Variants in LILRA1 observed in about 807,000 individuals in gnomAD.
The protein encoded by LILRA1 is leukocyte immunoglobulin-like receptor subfamily A member 1.
LILRA1 carries 51 observed loss-of-function variants against 51.6 expected under a neutral mutation model. The ratio of observed to expected loss-of-function variants is 0.99; its 90% confidence interval spans 0.79 to 1.25. LILRA1 has a LOEUF of 1.25. Among genes scored for constraint, LILRA1 ranks in the 50% most tolerant of loss-of-function variants. The probability of loss-of-function intolerance (pLI) is 0.00; values close to 1 mark genes in which losing one functional copy is unlikely to be tolerated. For missense variants in LILRA1, 660 were observed against 611.7 expected, an observed-to-expected ratio of 1.08 and a Z score of -0.83; for synonymous variants, 305 against 248.4, an observed-to-expected ratio of 1.23 and a Z score of -2.14.
In LILRA1 at chr19:54,600,565, G is replaced by T. The variant is rs1403720206; in HGVS notation, c.1351+15G>T. On this transcript the variant is annotated intron_variant, in intron 9 of 9. Coordinates refer to ENST00000251372, the MANE Select transcript of LILRA1 (RefSeq NM_006863.4). Reference sequence around the variant, plus strand: ...AAACAAGACTGGTGAGTGAGGAGATGCTCTCGTTTACGGTGCTGGGCACAA... The same window carrying T: ...AAACAAGACTGGTGAGTGAGGAGATTCTCTCGTTTACGGTGCTGGGCACAA... 1 of 1,614,088 alleles carries T rather than the reference G, an allele frequency of 6.2e-7. No individual in the cohort carries two copies. The highest frequency in any genetic ancestry group is 1.7e-5 in the Admixed American group (1 of 60,032).
In LILRA1 at chr19:54,600,852, T is replaced by G. The variant is rs1043245102; in HGVS notation, c.*35T>G. 12 of 1,610,268 alleles carry G rather than the reference T, an allele frequency of 7.5e-6. No homozygotes were observed. The highest frequency in any genetic ancestry group is 8.5e-6 in the Non-Finnish European group (10 of 1,176,644). On this transcript the variant is annotated 3_prime_UTR_variant, in exon 10 of 10. Coordinates refer to ENST00000251372, the MANE Select transcript of LILRA1 (RefSeq NM_006863.4). The stretch of plus-strand genomic sequence containing the variant: ...GGGAGGTGAACAGCAGAGAGAAGAA[T>G]GTACCCTTCAGAGTGGTGGAGCCTT...
intron 7 of LILRA1, among the ~76,000 whole-genome samples, chr19:54,598,908 G>T (rs2063113307): frequency 6.6e-6 from 1 of 152,120 alleles, no homozygotes; most frequent in Non-Finnish European, 1.5e-5. Context: ...CAATTCTCCT[G>T]CCTCAGCCTC....
intron 2 of LILRA1, 28 bp from the exon 3 acceptor site, chr19:54,594,413 A>T: frequency 6.2e-7 from 1 of 1,614,226 alleles, no homozygotes; most frequent in Non-Finnish European, 8.5e-7. Flanking sequence ...CTTCAGGGGC[A>T]AATTCCTCAC....
At chr19:54,596,638 C>A (rs190785494) in intron 7 of LILRA1, 147 bp downstream of exon 7, 3 of 1,151,974 alleles carry the variant, frequency 2.6e-6, no homozygotes, top group Admixed American at 2.6e-5. Flanking sequence ...GAGGCCCAGG[C>A]GGGTGGATCA....
rs375355753 is a variant in LILRA1 at position 54,596,278 on chromosome 19, G to T, written c.1048G>T (p.Gly350Trp). The change falls in exon 7 of 10, where the codon GGG becomes TGG. Residue 350 changes from glycine to tryptophan, a missense_variant. Coordinates refer to ENST00000251372, the MANE Select transcript of LILRA1 (RefSeq NM_006863.4). ...ENVTLLCQSW[G>W]PFHTFLLTKA... ...CGTGACCCTGCTGTGTCAGTCATGG[G>T]GGCCGTTCCACACTTTCCTTCTGAC... 16 of 1,614,066 alleles carry T rather than the reference G, an allele frequency of 9.9e-6. No individual in the cohort carries two copies. Among genetic ancestry groups the T allele is most frequent in the Middle Eastern group, 3.3e-4 (2 of 6,062 alleles).
chr19:54,601,868 C>T lies in LILRA1; in HGVS notation c.*1051C>T, dbSNP rs1207549445. ...TGAGTCCTAGCATTAAAGAGTTCAA[C>T]ATGTCTAGGTCCAAGACCACTGTTG... On this transcript the variant is annotated 3_prime_UTR_variant, in exon 10 of 10. Transcript: ENST00000251372. 2 of 152,326 alleles carry T rather than the reference C, an allele frequency of 1.3e-5. No homozygotes were observed. The highest frequency in any genetic ancestry group is 6.5e-5 in the Admixed American group (1 of 15,306). 9.4% of individuals were successfully genotyped at this position (152,326 alleles called of 1,614,324 possible). A position where few individuals can be genotyped will look rare whatever the true frequency, so the allele number is the denominator to read the frequency against.
rs2062993036 is a variant in LILRA1, at chr19:54,594,786, G to T, written c.192G>T (p.Lys64Asn). The T allele has an allele frequency of 6.2e-7, 1 of 1,614,018 alleles. No individual in the cohort carries two copies. Among genetic ancestry groups the T allele is most frequent in the South Asian group, 1.1e-5 (1 of 91,092 alleles). The change falls in exon 4 of 10, where the codon AAG becomes AAT. Residue 64 changes from lysine (K) to asparagine (N), a missense_variant. By Grantham distance (94) the Lys-to-Asn change is moderately conservative. Coordinates refer to ENST00000251372, the MANE Select transcript of LILRA1 (RefSeq NM_006863.4). ...ETQEYRLYRE[K>N]KTAPWITRIP... is the part of the protein sequence containing the mutation. Reference sequence around the variant, plus strand: ...AGGAGTACCGTCTGTATAGAGAAAAGAAAACAGCACCCTGGATTACACGGA... The same window carrying T: ...AGGAGTACCGTCTGTATAGAGAAAATAAAACAGCACCCTGGATTACACGGA...
At chr19:54,597,035 AGAG>A (rs771773248) in intron 7 of LILRA1, among the ~76,000 whole-genome samples, 4 of 152,322 alleles carry the variant, frequency 2.6e-5, no homozygotes, top group East Asian at 1.9e-4. Context: ...GGTGAACCTC[AGAG>A]GAGATGAGAG....
Position 54,601,113 on chromosome 19 carries a change from C to T in LILRA1, c.*296C>T. The T allele has an allele frequency of 4.0e-6, 2 of 494,736 alleles. No homozygotes were observed. The highest frequency in any genetic ancestry group is 3.7e-5 in the East Asian group (1 of 26,710). 30.6% of individuals were successfully genotyped at this position (494,736 alleles called of 1,614,324 possible). On this transcript the variant is annotated 3_prime_UTR_variant, in exon 10 of 10. Coordinates refer to ENST00000251372, the MANE Select transcript of LILRA1 (RefSeq NM_006863.4). Reference sequence around the variant, plus strand: ...CCCAGACAGACATGAGGCTACATCCCACATGGCAGCGTTGGGTCCACACCT... The same window carrying T: ...CCCAGACAGACATGAGGCTACATCCTACATGGCAGCGTTGGGTCCACACCT...
intron 7 of LILRA1, 142 bp downstream of exon 7, chr19:54,596,633 C>G: frequency 8.3e-7 from 1 of 1,200,544 alleles, no homozygotes; most frequent in South Asian, 1.5e-5. Context: ...TTTGGGAGGC[C>G]CAGGCGGGTG....
At position 54,595,381 on chromosome 19, in the gene LILRA1, C is replaced by T. The variant is rs772909436; in HGVS notation, c.640C>T (p.Leu214Phe). 1.9e-6 allele frequency: 3 copies of T among 1,610,834 alleles called. No homozygotes were observed. Among genetic ancestry groups the T allele is most frequent in the Admixed American group, 3.4e-5 (2 of 59,492 alleles). Reference protein sequence around the residue: ...SPHVWSLPSDLLELLVLGVSK... With the variant: ...SPHVWSLPSDFLELLVLGVSK... ...CCATGTGTGGTCTCTACCCAGTGAT[C>T]TCCTGGAGCTCCTGGTCCTAGGTGA... The change falls in exon 5 of 10, where the codon CTC becomes TTC. Residue 214 changes from leucine (L) to phenylalanine (F), a missense_variant. Leu to Phe is a conservative substitution (Grantham distance 22, BLOSUM62 0). Transcript: ENST00000251372.
rs113201041 is a variant in LILRA1, at chr19:54,602,318, C to T, written c.*1501C>T. Among the ~76,000 whole-genome samples, 1 of 141,602 alleles carries T rather than the reference C, an allele frequency of 7.1e-6. No homozygotes were observed. 92.9% of individuals were successfully genotyped at this position (141,602 alleles called of 152,430 possible). A position where few individuals can be genotyped will look rare whatever the true frequency, so the allele number is the denominator to read the frequency against. The stretch of plus-strand genomic sequence containing the variant: ...ATCTTATCATTCATCATCTACCCTC[C>T]AGAATAAAGAAATGTTATCATTTGC... On this transcript the variant is annotated 3_prime_UTR_variant, in exon 10 of 10. Transcript: ENST00000251372.
rs144730198 is a variant in LILRA1 at position 54,596,487 on chromosome 19, C to T, written c.1257C>T (p.Val419=). The T allele has an allele frequency of 6.2e-7, 1 of 1,614,132 alleles. No homozygotes were observed. Among genetic ancestry groups the T allele is most frequent in the Non-Finnish European group, 8.5e-7 (1 of 1,180,014 alleles). Residue 419 remains valine, a synonymous_variant, in exon 7 of 10, where the codon GTC becomes GTT. Coordinates refer to ENST00000251372, the MANE Select transcript of LILRA1 (RefSeq NM_006863.4). The part of the protein sequence containing the change: ...SHPSDSLELM[V]SGAAETLSPP... ...CCAGTGACTCCCTGGAGCTCATGGTCTCAGGTGAGGGCCCTGACCCTGTCC... is the reference window on the plus strand; with the variant it reads ...CCAGTGACTCCCTGGAGCTCATGGTTTCAGGTGAGGGCCCTGACCCTGTCC...
At position 54,600,710 on chromosome 19, in the gene LILRA1, CAGG is replaced by C. The variant is rs1183662627; in HGVS notation, c.1365_1367del (p.Gln455_Asp456delinsHis). On this transcript the variant is annotated inframe_deletion, in exon 10 of 10. Transcript: ENST00000251372. ...CCCACCATCCCCAGCCTCACACCCC[CAGG>C]ATTACACAGTGGAGAATCTCATCCG... 3 of 1,613,936 alleles carry C rather than the reference CAGG, an allele frequency of 1.9e-6. No homozygotes were observed. The highest frequency in any genetic ancestry group is 2.5e-6 in the Non-Finnish European group (3 of 1,180,010).
At chr19:54,596,576 G>C in intron 7 of LILRA1, 85 bp downstream of exon 7, 1 of 1,567,806 alleles carries the variant, frequency 6.4e-7, no homozygotes, top group South Asian at 1.2e-5. Flanking sequence ...ACTAAGAAAA[G>C]AGGGGAGTTG....
chr19:54,599,646 C>T lies in LILRA1; in HGVS notation c.1312+360C>T, dbSNP rs538791060. On this transcript the variant is annotated intron_variant, in intron 8 of 9. Transcript: ENST00000251372. ...TACTTCTTTATTTCTAAATTATGTG[C>T]CAATATTTCTCACTTTAAATGTCAA... The T allele has an allele frequency of 4.6e-5, 42 of 919,534 alleles. No homozygotes were observed. In the South Asian group the frequency reaches 8.1e-4, roughly 18 times the overall value. 57.0% of individuals were successfully genotyped at this position (919,534 alleles called of 1,614,324 possible). A position where few individuals can be genotyped will look rare whatever the true frequency, so the allele number is the denominator to read the frequency against.
In LILRA1 at chr19:54,595,832, C is replaced by A. The variant is rs1454682869; in HGVS notation, c.855C>A (p.Gly285=). 1 of 1,614,202 alleles carries A rather than the reference C, an allele frequency of 6.2e-7. No homozygotes were observed. The highest frequency in any genetic ancestry group is 1.1e-5 in the South Asian group (1 of 91,092). ...AGLSQANFTL[G]PVSRSYGGQY... ...TCTCCCAGGCCAACTTCACCCTGGG[C>A]CCTGTGAGCCGCTCCTACGGGGGCC... The change falls in exon 6 of 10, where the codon GGC becomes GGA. Residue 285 remains glycine, a synonymous_variant. Coordinates refer to ENST00000251372, the MANE Select transcript of LILRA1 (RefSeq NM_006863.4).
In LILRA1 at chr19:54,594,729, G is replaced by C. The variant is rs2062990274; in HGVS notation, c.135G>C (p.Val45=). ...CTGTGATCACCCAGGGGAGTCCCGTGACCCTCTGGTGTCAGGGGATCCTGG... is the reference window on the plus strand; with the variant it reads ...CTGTGATCACCCAGGGGAGTCCCGTCACCCTCTGGTGTCAGGGGATCCTGG... ...PGSVITQGSP[V]TLWCQGILET... The change falls in exon 4 of 10, where the codon GTG becomes GTC. Residue 45 remains valine (V), a synonymous_variant. Coordinates refer to ENST00000251372, the MANE Select transcript of LILRA1 (RefSeq NM_006863.4). 6.2e-7 allele frequency: 1 copy of C among 1,613,934 alleles called. No individual in the cohort carries two copies. Among genetic ancestry groups the C allele is most frequent in the African/African-American group, 1.3e-5 (1 of 74,912 alleles).
intron 7 of LILRA1, among the ~76,000 whole-genome samples, chr19:54,597,048 G>A (rs749053569): frequency 5.3e-5 from 1 of 18,902 alleles, no homozygotes; most frequent in East Asian, 4.4e-4. Context: ...GGAGATGAGA[G>A]TAGACTGAGG....
Sources: gnomAD v4.1 joint callset for allele counts (sites outside exome capture counted in the v4.1 genomes callset) on GRCh38, gnomAD v4.1.1 for gene constraint, MANE v1.5 for transcripts, NCBI Gene and HGNC (gene_info 2026-07-23, HGNC 2026-07-21) for gene names.